Variants in PCDH11X observed in about 807,000 individuals in gnomAD.
PCDH11X encodes protocadherin-11 X-linked.
In PCDH11X, 18 loss-of-function variants were observed where a neutral mutation model predicts 53.3. The ratio of observed to expected loss-of-function variants is 0.34; its 90% CI spans 0.23 to 0.50. The LOEUF is 0.50. Ranked by LOEUF, PCDH11X falls within the 20% of genes least tolerant of loss-of-function variation. The pLI is 0.98. For missense variants in PCDH11X, 570 were observed against 1,032.4 expected, an observed-to-expected ratio of 0.55 and a Z score of 6.14; for synonymous variants, 279 against 393.3, an observed-to-expected ratio of 0.71 and a Z score of 3.44.
At chrX:92,528,976 A>G (rs1384021160) in intron 10 of PCDH11X, among the ~76,000 whole-genome samples, 1 of 111,035 alleles carries the variant, frequency 9.0e-6, no homozygotes, top group African/African-American at 3.3e-5. Context: ...TTAGATCCAC[A>G]TACTTTAAAC....
chrX:92,384,869 G>A, intron 8 of PCDH11X, among the ~76,000 whole-genome samples: 1 of 98,625 alleles, frequency 1.0e-5, no homozygotes, highest in Admixed American at 1.1e-4. Flanking sequence ...TCTTACAAAG[G>A]CAATCTAGTC....
At chrX:92,338,779 C>T (rs900892080) in intron 8 of PCDH11X, among the ~76,000 whole-genome samples, 3 of 111,736 alleles carry the variant, frequency 2.7e-5, no homozygotes, top group Non-Finnish European at 5.6e-5. Context: ...TGGTTGGTGT[C>T]CTGAAGCTCA....
At chrX:92,359,181 T>C (rs1254552240) in intron 8 of PCDH11X, among the ~76,000 whole-genome samples, 1 of 105,781 alleles carries the variant, frequency 9.5e-6, no homozygotes, top group Non-Finnish European at 2.0e-5. Context: ...ACATGCATTA[T>C]TTTGTGTATG....
At chrX:92,156,235 C>A (rs1424059942) in intron 6 of PCDH11X, among the ~76,000 whole-genome samples, 1 of 109,670 alleles carries the variant, frequency 9.1e-6, no homozygotes, top group African/African-American at 3.4e-5. Flanking sequence ...GACTTCATCT[C>A]CTATCCGCCC....
intron 8 of PCDH11X, among the ~76,000 whole-genome samples, chrX:92,298,787 G>A (rs757428300): frequency 2.7e-5 from 3 of 110,903 alleles, no homozygotes; most frequent in Non-Finnish European, 3.8e-5. Context: ...GATGAACTAG[G>A]GGGGAAGAGA....
At chrX:92,551,439 T>C (rs1187579710) in intron 10 of PCDH11X, among the ~76,000 whole-genome samples, 3 of 106,254 alleles carry the variant, frequency 2.8e-5, no homozygotes, top group Non-Finnish European at 5.9e-5. Flanking sequence ...TTGTTTGAAC[T>C]CCTTATATAT....
intron 10 of PCDH11X, among the ~76,000 whole-genome samples, chrX:92,499,238 C>T (rs1317122776): frequency 1.0e-5 from 1 of 99,508 alleles, no homozygotes; most frequent in African/African-American, 3.6e-5. Flanking sequence ...GACCATTTAC[C>T]TATAGGAAAA....
chrX:92,498,022 T>G (rs1436148552), intron 10 of PCDH11X, among the ~76,000 whole-genome samples: 1 of 112,024 alleles, frequency 8.9e-6, no homozygotes, highest in Non-Finnish European at 1.9e-5. Context: ...GATGAACAGT[T>G]TATTAACTTT....
chrX:92,129,648 G>A (rs964228770), intron 6 of PCDH11X, among the ~76,000 whole-genome samples: 25 of 111,452 alleles, frequency 2.2e-4, no homozygotes, highest in Non-Finnish European at 4.3e-4. Flanking sequence ...AAAGGTATGC[G>A]CTAAGGCTAG....
chrX:92,081,021 G>C (rs73539443), intron 6 of PCDH11X, among the ~76,000 whole-genome samples: 6,573 of 110,151 alleles, frequency 0.06, 518 homozygotes, highest in African/African-American at 0.21. Context: ...AAGTCAGACC[G>C]ATCATGCACC....
At chrX:91,857,184 G>T (rs1164446902) in intron 5 of PCDH11X, among the ~76,000 whole-genome samples, 3 of 111,382 alleles carry the variant, frequency 2.7e-5, no homozygotes, top group Admixed American at 1.9e-4. Context: ...GCAAGAGAGA[G>T]CGTGTGCAGG....
chrX:92,546,526 T>G (rs2074857752), intron 10 of PCDH11X, among the ~76,000 whole-genome samples: 1 of 109,379 alleles, frequency 9.1e-6, no homozygotes, highest in Non-Finnish European at 1.9e-5. Context: ...GCAAAAAAAT[T>G]GAAATCTCAT....
intron 4 of PCDH11X, among the ~76,000 whole-genome samples, chrX:91,819,537 C>A (rs963920808): frequency 1.8e-5 from 2 of 109,173 alleles, no homozygotes; most frequent in African/African-American, 3.3e-5. Flanking sequence ...CCGATTATTT[C>A]TTGAAGTCTT....
At chrX:92,235,450 A>G (rs2067151988) in intron 7 of PCDH11X, among the ~76,000 whole-genome samples, 1 of 111,475 alleles carries the variant, frequency 9.0e-6, no homozygotes, top group South Asian at 3.7e-4. Flanking sequence ...AAAACCAAAC[A>G]TATGTAAAAT....
At chrX:92,290,225 T>C (rs1202362898) in intron 8 of PCDH11X, among the ~76,000 whole-genome samples, 1 of 111,995 alleles carries the variant, frequency 8.9e-6, no homozygotes, top group Non-Finnish European at 1.9e-5. Flanking sequence ...TGATCAGACA[T>C]AAAATTTGCT....
At chrX:91,880,221 G>T (rs1467281057) in intron 6 of PCDH11X, among the ~76,000 whole-genome samples, 1 of 110,929 alleles carries the variant, frequency 9.0e-6, no homozygotes, top group East Asian at 2.8e-4. Context: ...AAATATAATT[G>T]TTCCCTTTAA....
chrX:92,228,025 G>T (rs2067002251), intron 7 of PCDH11X, among the ~76,000 whole-genome samples: 1 of 111,403 alleles, frequency 9.0e-6, no homozygotes, highest in Non-Finnish European at 1.9e-5. Flanking sequence ...TGTTATACCT[G>T]TTACTGAAAG....
At chrX:91,837,679 C>T (rs1308029752) in intron 5 of PCDH11X, among the ~76,000 whole-genome samples, 1 of 111,319 alleles carries the variant, frequency 9.0e-6, no homozygotes, top group East Asian at 2.8e-4. Context: ...TGCTTTAAGA[C>T]ATTTAAGTAC....
chrX:92,089,245 C>T (rs1313144302), intron 6 of PCDH11X, among the ~76,000 whole-genome samples: 1 of 111,184 alleles, frequency 9.0e-6, no homozygotes, highest in Non-Finnish European at 1.9e-5. Flanking sequence ...GATATCCATT[C>T]ATTAAAACTG....
Sources: allele counts gnomAD v4.1 joint callset (sites outside exome capture counted in the v4.1 genomes callset), GRCh38; gene constraint gnomAD v4.1.1; transcripts MANE v1.5; gene names NCBI Gene and HGNC (gene_info 2026-07-23, HGNC 2026-07-21).